The following MCTP2 variants were observed in gnomAD, a reference collection of about 807,000 sequenced individuals.
MCTP2 encodes the protein multiple C2 and transmembrane domain containing 2.
Under a neutral mutation model 111.6 loss-of-function variants are expected in MCTP2, and 132 were observed. That is an observed-to-expected ratio of 1.18 (90% CI 1.03 to 1.37). MCTP2 has a LOEUF of 1.37. MCTP2 is among the 40% of genes most tolerant of loss of function. The probability of loss-of-function intolerance (pLI) is 0.00; values close to 1 mark genes in which losing one functional copy is unlikely to be tolerated. For missense variants in MCTP2, 1,183 were observed against 1,067.9 expected (o/e 1.11, Z -1.50); for synonymous variants, 395 against 387.7 (o/e 1.02, Z -0.22).
chr15:94,309,000 A>T (rs1567383014), intron 2 of MCTP2, among the ~76,000 whole-genome samples: 1 of 152,262 alleles, frequency 6.6e-6, no homozygotes, highest in Non-Finnish European at 1.5e-5. Flanking sequence ...AATCACTTTT[A>T]GAGACCAGTC....
chr15:94,405,086 G>A (rs1567640546), intron 17 of MCTP2, among the ~76,000 whole-genome samples: 1 of 152,164 alleles, frequency 6.6e-6, no homozygotes, highest in Non-Finnish European at 1.5e-5. Context: ...TCCTCTAATT[G>A]AAATTAGCGA....
At chr15:94,319,944 T>C (rs2152374485) in intron 4 of MCTP2, among the ~76,000 whole-genome samples, 1 of 152,302 alleles carries the variant, frequency 6.6e-6, no homozygotes, top group Admixed American at 6.5e-5. Context: ...CAATAGGAAG[T>C]ATCTTTCAAT....
At position 94,469,765 on chromosome 15, in the gene MCTP2, A is replaced by AG. The variant is rs2073751491; in HGVS notation, c.2361-566dup. On this transcript the variant is annotated intron_variant, in intron 20 of 22. Transcript: ENST00000357742. The stretch of plus-strand genomic sequence containing the variant: ...CTCTTGCCTGTAGTCCCAGCTACTA[A>AG]GGAGGCTAAAGCAGGAGGATCGTTT... Among the ~76,000 whole-genome samples, 3 of 152,160 alleles carry AG rather than the reference A, an allele frequency of 2.0e-5. No homozygotes were observed. In the South Asian group the frequency reaches 6.2e-4, roughly 32 times the overall value.
rs1055721156 is a variant in MCTP2, at chr15:94,483,607, G to T, written c.*4573G>T. The T allele has an allele frequency of 6.6e-6, 1 of 152,174 alleles. No individual in the cohort carries two copies. The highest frequency in any genetic ancestry group is 2.4e-5 in the African/African-American group (1 of 41,438). The allele number at this position is 152,174 out of a possible 1,614,324, so 9.4% of individuals were successfully genotyped here. A position where few individuals can be genotyped will look rare whatever the true frequency, so the allele number is the denominator to read the frequency against. On this transcript the variant is annotated 3_prime_UTR_variant, in exon 23 of 23. Transcript: ENST00000357742. ...TCCTTAGCAAACTAATGCAGCAACA[G>T]AAAACCAAATACCACATGTTCTCAT...
At chr15:94,295,198 C>T (rs1459033125) in intron 1 of MCTP2, among the ~76,000 whole-genome samples, 1 of 151,506 alleles carries the variant, frequency 6.6e-6, no homozygotes, top group East Asian at 1.9e-4. Flanking sequence ...CATCCACCCG[C>T]CTTGGCCTCC....
At chr15:94,394,425 C>T (rs2081173277) in intron 14 of MCTP2, among the ~76,000 whole-genome samples, 3 of 152,058 alleles carry the variant, frequency 2.0e-5, no homozygotes, top group African/African-American at 4.8e-5. Flanking sequence ...TGATCAAATA[C>T]GAATATGCCT....
chr15:94,430,116 T>C (rs2083092704), intron 17 of MCTP2, among the ~76,000 whole-genome samples: 1 of 152,198 alleles, frequency 6.6e-6, no homozygotes, highest in African/African-American at 2.4e-5. Context: ...AGATGAAATA[T>C]GTGTTGTCTC....
chr15:94,405,536 C>T (rs1054944023), intron 17 of MCTP2, among the ~76,000 whole-genome samples: 1 of 152,152 alleles, frequency 6.6e-6, no homozygotes, highest in Non-Finnish European at 1.5e-5. Flanking sequence ...TGCTAGATGA[C>T]CCAAGCATCA....
intron 1 of MCTP2, among the ~76,000 whole-genome samples, chr15:94,280,258 T>A (rs779758031): frequency 4.5e-4 from 68 of 152,040 alleles, no homozygotes; most frequent in Non-Finnish European, 9.0e-4. Flanking sequence ...AAATTTTTTT[T>A]ATTTTTTATT....
chr15:94,306,541 A>T (rs941023863), intron 2 of MCTP2, among the ~76,000 whole-genome samples: 5 of 152,198 alleles, frequency 3.3e-5, no homozygotes, highest in African/African-American at 7.2e-5. Flanking sequence ...ATCTGGAGAT[A>T]AAAAAAGTTG....
chr15:94,358,476 T>C lies in MCTP2; in HGVS notation c.1171-6T>C. Reference sequence around the variant, plus strand: ...AAAATAAATATTATAACTGCATGTTTTCTAGACACTGTGTAAGAGTGCAAA... The same window carrying C: ...AAAATAAATATTATAACTGCATGTTCTCTAGACACTGTGTAAGAGTGCAAA... On this transcript the variant is annotated splice_polypyrimidine_tract_variant and splice_region_variant and intron_variant, in intron 9 of 22. Transcript: ENST00000357742. The C allele has an allele frequency of 6.2e-7, 1 of 1,610,228 alleles. No homozygotes were observed. The highest frequency in any genetic ancestry group is 8.5e-7 in the Non-Finnish European group (1 of 1,178,210).
At chr15:94,302,680 T>C (rs1196724550) in intron 2 of MCTP2, among the ~76,000 whole-genome samples, 1 of 152,196 alleles carries the variant, frequency 6.6e-6, no homozygotes, top group Non-Finnish European at 1.5e-5. Context: ...ACCTCAAACA[T>C]AGACCATGAT....
intron 4 of MCTP2, among the ~76,000 whole-genome samples, chr15:94,320,333 G>A (rs1304689203): frequency 6.6e-6 from 1 of 151,978 alleles, no homozygotes; most frequent in African/African-American, 2.4e-5. Flanking sequence ...AGTAGAGACA[G>A]GGTTTCACCG....
intron 19 of MCTP2, among the ~76,000 whole-genome samples, chr15:94,443,819 A>G (rs2083929378): frequency 1.3e-5 from 2 of 152,122 alleles, no homozygotes; most frequent in African/African-American, 4.8e-5. Context: ...AAAATCAAGT[A>G]TAATACTTTT....
chr15:94,469,061 G>A (rs1282312351), intron 20 of MCTP2, among the ~76,000 whole-genome samples: 1 of 152,196 alleles, frequency 6.6e-6, no homozygotes, highest in Non-Finnish European at 1.5e-5. Context: ...ATTATTAAGA[G>A]CATTACATTC....
intron 1 of MCTP2, among the ~76,000 whole-genome samples, chr15:94,290,393 G>C (rs1315521668): frequency 3.3e-5 from 5 of 151,962 alleles, no homozygotes; most frequent in East Asian, 3.9e-4. Context: ...GTAACCCCTA[G>C]AATAATCACT....
intron 12 of MCTP2, among the ~76,000 whole-genome samples, chr15:94,377,096 GT>G (rs2079817661): frequency 2.0e-5 from 3 of 152,064 alleles, no homozygotes; most frequent in Admixed American, 6.6e-5. Flanking sequence ...TGCTGTTTTT[GT>G]TTTGAAACGT....
rs2152550449 is a variant in MCTP2 at position 94,481,142 on chromosome 15, G to C, written c.*2108G>C. 1 of 152,266 alleles carries C rather than the reference G, an allele frequency of 6.6e-6. No individual in the cohort carries two copies. Among genetic ancestry groups the C allele is most frequent in the African/African-American group, 2.4e-5 (1 of 41,552 alleles). 9.4% of individuals were successfully genotyped at this position (152,266 alleles called of 1,614,324 possible). On this transcript the variant is annotated 3_prime_UTR_variant, in exon 23 of 23. Coordinates refer to ENST00000357742, the MANE Select transcript of MCTP2 (RefSeq NM_001385001.1). ...GGATTCACAGTGTGATAATTAAGTA[G>C]GGATGTTGAAGTCTTGCCAAGTTTT...
chr15:94,314,193 C>A, intron 2 of MCTP2, 89 bp from the exon 3 acceptor site: 1 of 884,958 alleles, frequency 1.1e-6, no homozygotes, highest in South Asian at 1.5e-5. Flanking sequence ...TATCAGATTT[C>A]CAAAGGAAAA....
Sources: allele counts gnomAD v4.1 joint callset (sites outside exome capture counted in the v4.1 genomes callset), GRCh38; gene constraint gnomAD v4.1.1; transcripts MANE v1.5; gene names NCBI Gene and HGNC (gene_info 2026-07-23, HGNC 2026-07-21).